The following IFT88 variants were observed in gnomAD, a reference collection of about 807,000 sequenced individuals.
The protein encoded by IFT88 is intraflagellar transport 88, also known as intraflagellar transport protein 88 homolog.
A neutral mutation model predicts 119.5 loss-of-function variants in IFT88; 74 were observed. That is an observed-to-expected ratio of 0.62 (90% CI 0.51 to 0.75). IFT88 has a LOEUF of 0.75. Among genes scored for constraint, IFT88 ranks in the 30% least tolerant of loss-of-function variants. The pLI is 0.00. For missense variants in IFT88, 961 were observed against 977.7 expected (o/e 0.98, Z 0.23); for synonymous variants, 279 against 316.7 (o/e 0.88, Z 1.26).
chr13:20,672,219 C>A (rs991298921), intron 24 of IFT88, among the ~76,000 whole-genome samples: 1 of 152,112 alleles, frequency 6.6e-6, no homozygotes, highest in African/African-American at 2.4e-5. Context: ...CAATTTATAA[C>A]TTAGTAGGCA....
intron 3 of IFT88, among the ~76,000 whole-genome samples, chr13:20,585,659 T>C (rs1382105924): frequency 6.6e-6 from 1 of 152,146 alleles, no homozygotes; most frequent in Non-Finnish European, 1.5e-5. Context: ...ATTGATAGAC[T>C]GACCAGTGGC....
chr13:20,572,036 T>C (rs1002669691), intron 1 of IFT88, among the ~76,000 whole-genome samples: 4 of 43,188 alleles, frequency 9.3e-5, no homozygotes, highest in African/African-American at 1.7e-4. Flanking sequence ...TGCTTTGATA[T>C]CTTTTTTTCT....
At chr13:20,669,424 AT>A (rs34389525) in intron 23 of IFT88, among the ~76,000 whole-genome samples, 55,440 of 142,818 alleles carry the variant, frequency 0.39, 11,667 homozygotes, top group Non-Finnish European at 0.51. Context: ...TATTTTCAGC[AT>A]TTTTTTTTTT....
intron 20 of IFT88, among the ~76,000 whole-genome samples, chr13:20,648,628 A>G (rs1054623504): frequency 2.0e-5 from 3 of 152,204 alleles, no homozygotes; most frequent in African/African-American, 7.2e-5. Context: ...GAAAAAACAT[A>G]TAACACATGC....
At chr13:20,638,305 A>C in intron 16 of IFT88, 27 bp from the exon 17 acceptor site, 1 of 1,230,694 alleles carries the variant, frequency 8.1e-7, no homozygotes, top group South Asian at 3.2e-5. Context: ...ATGAAATTCA[A>C]ATAATTTGTA....
intron 9 of IFT88, among the ~76,000 whole-genome samples, chr13:20,597,598 G>C (rs915006228): frequency 1.3e-5 from 2 of 151,872 alleles, no homozygotes; most frequent in African/African-American, 2.4e-5. Context: ...CAAAAAATTA[G>C]CCGGGTGTGG....
intron 23 of IFT88, among the ~76,000 whole-genome samples, chr13:20,666,611 C>T (rs976552939): frequency 6.6e-6 from 1 of 152,200 alleles, no homozygotes; most frequent in East Asian, 1.9e-4. Context: ...CATTTATTCA[C>T]TTAATTTGTT....
intron 8 of IFT88, 98 bp downstream of exon 8, chr13:20,596,338 C>A: frequency 2.4e-6 from 1 of 413,476 alleles, no homozygotes; most frequent in East Asian, 4.0e-5. Flanking sequence ...TTTTGTTTGC[C>A]GTTGACTGGT....
At chr13:20,572,891 T>C (rs974203590) in intron 1 of IFT88, among the ~76,000 whole-genome samples, 5 of 152,178 alleles carry the variant, frequency 3.3e-5, no homozygotes, top group African/African-American at 1.2e-4. Context: ...GTACACTCTA[T>C]GTAAGGCTTC....
At chr13:20,600,389 A>C (rs577783975) in intron 11 of IFT88, among the ~76,000 whole-genome samples, 2 of 152,172 alleles carry the variant, frequency 1.3e-5, no homozygotes, top group African/African-American at 2.4e-5. Context: ...AAGAATGATC[A>C]AGAAAGGCTT....
At chr13:20,629,300 C>G (rs532301650) in intron 15 of IFT88, among the ~76,000 whole-genome samples, 25 of 152,188 alleles carry the variant, frequency 1.6e-4, no homozygotes, top group African/African-American at 5.8e-4. Flanking sequence ...TTGTATAAAG[C>G]ATCAATGAGG....
At chr13:20,577,600 A>G (rs1376124162) in intron 2 of IFT88, among the ~76,000 whole-genome samples, 1 of 152,098 alleles carries the variant, frequency 6.6e-6, no homozygotes, top group Non-Finnish European at 1.5e-5. Flanking sequence ...TTTCAGCATC[A>G]GTTGAAATGA....
chr13:20,652,701 ACTTAC>A (rs1394501749), intron 20 of IFT88, among the ~76,000 whole-genome samples: 1 of 152,206 alleles, frequency 6.6e-6, no homozygotes, highest in African/African-American at 2.4e-5. Flanking sequence ...AAGTCATTAT[ACTTAC>A]CTTTATAGAG....
chr13:20,584,377 C>T (rs2039261922), intron 3 of IFT88, among the ~76,000 whole-genome samples: 1 of 151,874 alleles, frequency 6.6e-6, no homozygotes, highest in African/African-American at 2.4e-5. Flanking sequence ...CAAATGATTT[C>T]TTATGTTATT....
chr13:20,570,954 AAG>A (rs1392024573), intron 1 of IFT88, among the ~76,000 whole-genome samples: 2 of 152,002 alleles, frequency 1.3e-5, no homozygotes, highest in Admixed American at 1.3e-4. Flanking sequence ...TGCTGAGAAA[AAG>A]ATTAAGCTGA....
intron 1 of IFT88, chr13:20,568,092 C>G (rs770292076): frequency 7.6e-5 from 53 of 694,510 alleles, no homozygotes; most frequent in Non-Finnish European, 1.3e-4. Flanking sequence ...CAAAGCCGTC[C>G]TGTGCCACGT....
At chr13:20,580,441 C>T (rs2038343032) in intron 2 of IFT88, among the ~76,000 whole-genome samples, 1 of 151,998 alleles carries the variant, frequency 6.6e-6, no homozygotes, top group Non-Finnish European at 1.5e-5. Context: ...AGCTTGAACC[C>T]AGCAGGTGGA....
At chr13:20,657,510 A>C (rs1273716014) in intron 22 of IFT88, among the ~76,000 whole-genome samples, 1 of 152,234 alleles carries the variant, frequency 6.6e-6, no homozygotes, top group Admixed American at 6.5e-5. Context: ...TCAACTCTTA[A>C]TTCACTTCTG....
Position 20,583,033 on chromosome 13 carries a change from A to ATT in IFT88, c.153+21_153+22dup. Reference sequence around the variant, plus strand: ...AGAAGACCTCCAGTAAGTGAAAAAAATTTTTTTTAAATTGTGGTAAAAAAT... The same window carrying ATT: ...AGAAGACCTCCAGTAAGTGAAAAAAATTTTTTTTTTAAATTGTGGTAAAAAAT... On this transcript the variant is annotated intron_variant, in intron 3 of 25. Transcript: ENST00000351808. 1.3e-6 allele frequency: 2 copies of ATT among 1,580,152 alleles called. No individual in the cohort carries two copies. Among genetic ancestry groups the ATT allele is most frequent in the Non-Finnish European group, 1.7e-6 (2 of 1,156,136 alleles).
Sources: allele counts gnomAD v4.1 joint callset (sites outside exome capture counted in the v4.1 genomes callset), GRCh38; gene constraint gnomAD v4.1.1; transcripts MANE v1.5; gene names NCBI Gene and HGNC (gene_info 2026-07-23, HGNC 2026-07-21).